The following ZBTB16 variants were observed in gnomAD, a reference collection of about 807,000 sequenced individuals.
ZBTB16 encodes the protein zinc finger and BTB domain containing 16, also known as zinc finger and BTB domain-containing protein 16.
In ZBTB16, 8 loss-of-function variants were observed where a neutral mutation model predicts 56.8. The observed-to-expected ratio is 0.14, with a 90% CI of 0.08 to 0.25. ZBTB16 has a LOEUF of 0.25. ZBTB16 is among the 10% of genes least tolerant of loss of function. The pLI is 1.00. For missense variants in ZBTB16, 625 were observed against 903.0 expected (o/e 0.69, Z 3.95); for synonymous variants, 363 against 368.5 (o/e 0.98, Z 0.17).
At chr11:114,070,094 CTTTTTTTT>C (rs4020465) in intron 2 of ZBTB16, among the ~76,000 whole-genome samples, 1 of 75,966 alleles carries the variant, frequency 1.3e-5, no homozygotes, top group Non-Finnish European at 2.4e-5. Context: ...GAGTACCTTT[CTTTTTTTT>C]TTTTTTTTTT....
intron 2 of ZBTB16, among the ~76,000 whole-genome samples, chr11:114,129,679 A>C (rs1233446095): frequency 6.6e-6 from 1 of 152,274 alleles, no homozygotes; most frequent in Non-Finnish European, 1.5e-5. Flanking sequence ...CATGGTCAGA[A>C]GAAAAATAGT....
chr11:114,228,482 C>G (rs972796823), intron 4 of ZBTB16, among the ~76,000 whole-genome samples: 1 of 152,028 alleles, frequency 6.6e-6, no homozygotes, highest in Non-Finnish European at 1.5e-5. Context: ...CACTTTTTTC[C>G]CCTCTCTGAG....
At chr11:114,111,931 AT>A (rs899293871) in intron 2 of ZBTB16, among the ~76,000 whole-genome samples, 19 of 149,252 alleles carry the variant, frequency 1.3e-4, no homozygotes, top group African/African-American at 3.4e-4. Flanking sequence ...TGTTTTAAAC[AT>A]TTTTTTTTTG....
chr11:114,205,651 C>A (rs1285201493), intron 4 of ZBTB16, among the ~76,000 whole-genome samples: 1 of 152,126 alleles, frequency 6.6e-6, no homozygotes, highest in Non-Finnish European at 1.5e-5. Flanking sequence ...TCACAGGACT[C>A]CAGAGAGTTT....
intron 2 of ZBTB16, among the ~76,000 whole-genome samples, chr11:114,121,282 A>AG: frequency 6.6e-6 from 1 of 152,216 alleles, no homozygotes; most frequent in Non-Finnish European, 1.5e-5. Context: ...GGCGGAGTTG[A>AG]GAAAAGGTGT....
intron 2 of ZBTB16, among the ~76,000 whole-genome samples, chr11:114,134,223 C>T (rs1565643494): frequency 6.6e-6 from 1 of 152,140 alleles, no homozygotes; most frequent in East Asian, 1.9e-4. Context: ...TGTCTTGGCG[C>T]CAAAGTAGGT....
intron 5 of ZBTB16, chr11:114,246,987 A>G (rs1944828189): frequency 6.2e-6 from 4 of 647,006 alleles, no homozygotes; most frequent in Non-Finnish European, 1.1e-5. Context: ...TGCCCCACAG[A>G]TGATCATGGG....
At position 114,064,555 on chromosome 11, in the gene ZBTB16, G is replaced by T. The variant is rs1939040907; in HGVS notation, c.1255G>T (p.Val419Leu). Residue 419 changes from valine to leucine, a missense_variant, in exon 2 of 7, where the codon GTG becomes TTG. Physicochemically the swap from Val to Leu is conservative, Grantham distance 32 (BLOSUM62 1). Coordinates refer to ENST00000335953, the MANE Select transcript of ZBTB16 (RefSeq NM_006006.6). This position sits in a 1 kb window ranked among gnomAD's most constrained non-coding sequence, Gnocchi z 4.2. ...GGTCGAGCTTCCTGATAACGAGGCTGTGGAGCAGCACAGGTAGGCCCCGCT... is the reference window on the plus strand; with the variant it reads ...GGTCGAGCTTCCTGATAACGAGGCTTTGGAGCAGCACAGGTAGGCCCCGCT... ...CGVELPDNEA[V>L]EQHRKLHSGM... 1.9e-6 allele frequency: 3 copies of T among 1,613,772 alleles called. No homozygotes were observed. The highest frequency in any genetic ancestry group is 2.2e-5 in the South Asian group (2 of 91,074).
At chr11:114,077,353 AGATGCCACCTG>A (rs1466163136) in intron 2 of ZBTB16, among the ~76,000 whole-genome samples, 2 of 152,252 alleles carry the variant, frequency 1.3e-5, no homozygotes, top group African/African-American at 4.8e-5. Context: ...GGGTTTGAAA[AGATGCCACCTG>A]GACCCCAGGC....
intron 3 of ZBTB16, among the ~76,000 whole-genome samples, chr11:114,174,818 T>C (rs961222951): frequency 2.0e-5 from 3 of 152,196 alleles, no homozygotes; most frequent in African/African-American, 7.2e-5. Context: ...TCTCTTTTCC[T>C]GGAAACTCCA....
chr11:114,167,753 T>A (rs980466999), intron 3 of ZBTB16, among the ~76,000 whole-genome samples: 1 of 152,208 alleles, frequency 6.6e-6, no homozygotes, highest in South Asian at 2.1e-4. Context: ...AATGATTTTT[T>A]AAAATCCATA....
At chr11:114,222,510 A>G (rs1263414745) in intron 4 of ZBTB16, among the ~76,000 whole-genome samples, 1 of 152,124 alleles carries the variant, frequency 6.6e-6, no homozygotes, top group East Asian at 1.9e-4. Context: ...TTTGTCCGGG[A>G]GCTGGTAAAT....
rs1555132749 is a variant in ZBTB16, at chr11:114,095,245, C to CTTTTCTTTTCT, written c.1268+30681_1268+30682insCTTTTCTTTTT. 4.0e-3 allele frequency among the ~76,000 whole-genome samples: 362 copies of CTTTTCTTTTCT among 90,530 alleles called. 24 individuals carry two copies. The highest frequency in any genetic ancestry group is 0.019 in the African/African-American group (310 of 16,206). 59.4% of individuals were successfully genotyped at this position (90,530 alleles called of 152,430 possible). A position where few individuals can be genotyped will look rare whatever the true frequency, so the allele number is the denominator to read the frequency against. ...TAACCAATTTCTTTTCTTTTCTTTT[C>CTTTTCTTTTCT]TTTTTTTTTTTTTTTTTTTTTTTTT... is the stretch of plus-strand genomic sequence containing the variant. On this transcript the variant is annotated intron_variant, in intron 2 of 6. Coordinates refer to ENST00000335953, the MANE Select transcript of ZBTB16 (RefSeq NM_006006.6).
chr11:114,175,581 G>A (rs1246458537), intron 3 of ZBTB16, among the ~76,000 whole-genome samples: 3 of 151,776 alleles, frequency 2.0e-5, no homozygotes, highest in African/African-American at 4.8e-5. Flanking sequence ...TCAGCCTCCC[G>A]AGTAGCTGGG....
At chr11:114,110,535 C>G (rs1940970210) in intron 2 of ZBTB16, among the ~76,000 whole-genome samples, 2 of 152,120 alleles carry the variant, frequency 1.3e-5, no homozygotes, top group Admixed American at 1.3e-4. Context: ...AGAAGGAGGG[C>G]CAGTGAGACC....
chr11:114,117,037 C>G (rs115139457), intron 2 of ZBTB16, among the ~76,000 whole-genome samples: 2,856 of 152,218 alleles, frequency 0.019, 67 homozygotes, highest in African/African-American at 0.063. Flanking sequence ...ATAGATAAGG[C>G]TTTGCTGAGA....
chr11:114,062,137 C>A (rs977675434), intron 1 of ZBTB16, among the ~76,000 whole-genome samples: 8 of 149,276 alleles, frequency 5.4e-5, no homozygotes, highest in African/African-American at 1.7e-4. Context: ...GAGTTTTGCT[C>A]CTGTTGCCCA....
chr11:114,214,595 T>A (rs1448950634), intron 4 of ZBTB16, among the ~76,000 whole-genome samples: 3 of 152,038 alleles, frequency 2.0e-5, no homozygotes, highest in African/African-American at 4.8e-5. Flanking sequence ...GGGGGCTTTT[T>A]TTTGGCTTTT....
At chr11:114,189,633 G>C (rs138738862) in intron 4 of ZBTB16, 3 of 152,104 alleles carry the variant, frequency 2.0e-5, no homozygotes, top group African/African-American at 7.2e-5. Flanking sequence ...GGGCGTGGTG[G>C]CATGTGCTTG....
Sources: gnomAD v4.1 joint callset for allele counts (sites outside exome capture counted in the v4.1 genomes callset) on GRCh38, gnomAD v4.1.1 for gene constraint, Gnocchi (gnomAD v3.1) non-coding constraint, MANE v1.5 for transcripts, NCBI Gene and HGNC (gene_info 2026-07-23, HGNC 2026-07-21) for gene names.